The following DGLUCY variants were observed in gnomAD, a reference collection of about 807,000 sequenced individuals.
The protein encoded by DGLUCY is D-glutamate cyclase, also known as D-glutamate cyclase, mitochondrial.
DGLUCY carries 58 observed loss-of-function variants against 58.5 expected under a neutral mutation model. The observed-to-expected ratio is 0.99, with a 90% CI of 0.80 to 1.23. DGLUCY has a LOEUF of 1.23. Among genes scored for constraint, DGLUCY ranks in the 50% most tolerant of loss-of-function variants. DGLUCY has a pLI of 0.00. For synonymous variants in DGLUCY, 325 were observed against 314.1 expected (o/e 1.03, Z -0.37); for missense variants, 779 against 784.7 (o/e 0.99, Z 0.09).
At position 91,175,886 on chromosome 14, in the gene DGLUCY, T is replaced by C. The variant is rs765800862; in HGVS notation, c.608-48T>C. On this transcript the variant is annotated intron_variant, in intron 6 of 13. Coordinates refer to ENST00000256324, the MANE Select transcript of DGLUCY (RefSeq NM_001102368.3). ...CCATAAACTACTCAACCAGTTCTAA[T>C]TGGATGCTCCCTGCTGAGGAAATTA... is the stretch of plus-strand genomic sequence containing the variant. The C allele has an allele frequency of 2.2e-5, 35 of 1,607,428 alleles. No individual in the cohort carries two copies. The South Asian group carries it at 2.9e-4, about 13-fold the overall frequency.
chr14:91,111,250 A>C (rs12323373), upstream of DGLUCY, among the ~76,000 whole-genome samples: 1 of 42,112 alleles, frequency 2.4e-5, no homozygotes. Context: ...GTGTGTGTGT[A>C]TATATCTATA....
At position 91,074,739 on chromosome 14, in the gene DGLUCY, C is replaced by T. The variant is rs1003902745; in HGVS notation, c.-82+14035C>T. Among the ~76,000 whole-genome samples, 3 of 152,116 alleles carry T rather than the reference C, an allele frequency of 2.0e-5. No homozygotes were observed. The East Asian group carries it at 5.8e-4, about 29-fold the overall frequency. ...GGCAAAAACCATATTGCAGTATTCTCTAATATTATTTTCTCTGAAGAGGCA... is the reference window on the plus strand; with the variant it reads ...GGCAAAAACCATATTGCAGTATTCTTTAATATTATTTTCTCTGAAGAGGCA... On this transcript the variant is annotated intron_variant, in intron 1 of 4. Transcript: ENST00000521334.
Position 91,215,460 on chromosome 14 carries a change from A to T in DGLUCY, c.1620A>T (p.Ser540=), listed in dbSNP as rs113735532. The change falls in exon 13 of 14, where the codon TCA becomes TCT. Residue 540 remains serine, a synonymous_variant. Transcript: ENST00000256324. ...CCTGCGCACTCTACATCCTGTACTC[A>T]TGTGCTGTCCACAGTCAGTACCTGA... is the stretch of plus-strand genomic sequence containing the variant. ...ALACALYILY[S]CAVHSQYLRK... 6.2e-7 allele frequency: 1 copy of T among 1,614,182 alleles called. No individual in the cohort carries two copies. The highest frequency in any genetic ancestry group is 1.1e-5 in the South Asian group (1 of 91,086).
chr14:91,207,638 G>A (rs1310691337), intron 12 of DGLUCY, among the ~76,000 whole-genome samples: 1 of 152,226 alleles, frequency 6.6e-6, no homozygotes, highest in African/African-American at 2.4e-5. Flanking sequence ...CCAGAGGCAG[G>A]TGGGGAAAAC....
intron 12 of DGLUCY, among the ~76,000 whole-genome samples, chr14:91,209,333 G>A (rs541195416): frequency 3.9e-5 from 6 of 152,150 alleles, no homozygotes; most frequent in Admixed American, 3.9e-4. Flanking sequence ...AGGCAATAAA[G>A]AAAACAGCAG....
chr14:91,218,694 C>T (rs977663036), intron 13 of DGLUCY, among the ~76,000 whole-genome samples: 4 of 151,940 alleles, frequency 2.6e-5, no homozygotes, highest in Non-Finnish European at 4.4e-5. Flanking sequence ...TGAGCCACCA[C>T]ACCTGGCCTA....
upstream of DGLUCY, among the ~76,000 whole-genome samples, chr14:91,105,810 A>G (rs2044578096): frequency 6.6e-6 from 1 of 152,230 alleles, no homozygotes; most frequent in Non-Finnish European, 1.5e-5. Context: ...TGTAAACGTC[A>G]TAGACTGTGC....
At chr14:91,152,166 C>T (rs550172118) in intron 1 of DGLUCY, among the ~76,000 whole-genome samples, 3 of 152,284 alleles carry the variant, frequency 2.0e-5, no homozygotes, top group African/African-American at 7.2e-5. Flanking sequence ...GCAGGAGGAT[C>T]GCTTGAGCCC....
chr14:91,097,483 A>T (rs1214961379), intron 1 of DGLUCY, among the ~76,000 whole-genome samples: 1 of 152,190 alleles, frequency 6.6e-6, no homozygotes, highest in Admixed American at 6.5e-5. Context: ...AAAATTATTG[A>T]GTTATACACT....
At chr14:91,136,618 C>T (rs564874442) in intron 1 of DGLUCY, among the ~76,000 whole-genome samples, 7 of 149,648 alleles carry the variant, frequency 4.7e-5, no homozygotes, top group African/African-American at 1.2e-4. Context: ...TGGGAGGAAG[C>T]GGTTGCAGTG....
chr14:91,103,565 G>C (rs1229342494), upstream of DGLUCY, among the ~76,000 whole-genome samples: 1 of 152,080 alleles, frequency 6.6e-6, no homozygotes, highest in African/African-American at 2.4e-5. Flanking sequence ...TCTTATACCA[G>C]AGCAAATGTC....
intron 9 of DGLUCY, among the ~76,000 whole-genome samples, chr14:91,191,110 C>T (rs2049858224): frequency 6.6e-6 from 1 of 152,212 alleles, no homozygotes; most frequent in Non-Finnish European, 1.5e-5. Flanking sequence ...GGCTTCAGGG[C>T]ACCCTCAACC....
chr14:91,221,796 G>A (rs527812402), intron 13 of DGLUCY, among the ~76,000 whole-genome samples: 10 of 152,178 alleles, frequency 6.6e-5, no homozygotes, highest in African/African-American at 1.9e-4. Flanking sequence ...TACACCTTAA[G>A]TGTACAGTTG....
chr14:91,060,497 C>G, exon 1 of DGLUCY: 1 of 1,283,704 alleles, frequency 7.8e-7, no homozygotes, highest in Non-Finnish European at 9.9e-7. Context: ...AGCGGACGCC[C>G]GTCCCCTCGC....
chr14:91,189,277 C>T, intron 9 of DGLUCY, 107 bp downstream of exon 9: 1 of 1,416,452 alleles, frequency 7.1e-7, no homozygotes, highest in Non-Finnish European at 9.7e-7. Context: ...CAGCTCAGAA[C>T]AACTCCGTTG....
chr14:91,109,057 A>G (rs1176037456), intron 1 of DGLUCY, among the ~76,000 whole-genome samples: 1 of 152,162 alleles, frequency 6.6e-6, no homozygotes, highest in Non-Finnish European at 1.5e-5. Context: ...AACCACCCCC[A>G]GAATTCATCA....
chr14:91,084,408 T>C (rs2044177630), intron 1 of DGLUCY, among the ~76,000 whole-genome samples: 1 of 152,046 alleles, frequency 6.6e-6, no homozygotes, highest in Admixed American at 6.6e-5. Flanking sequence ...TTTCACCATG[T>C]TGGTCAAGCT....
chr14:91,179,442 T>C (rs2049034193), intron 7 of DGLUCY, among the ~76,000 whole-genome samples: 1 of 150,796 alleles, frequency 6.6e-6, no homozygotes, highest in African/African-American at 2.4e-5. Context: ...GAGCAAGGCC[T>C]TATCTCTTTA....
intron 4 of DGLUCY, among the ~76,000 whole-genome samples, chr14:91,168,893 C>T (rs2048420351): frequency 2.6e-5 from 4 of 152,142 alleles, no homozygotes; most frequent in African/African-American, 9.7e-5. Context: ...TCGAGACCAG[C>T]CTGGCCAACG....
Sources: allele counts gnomAD v4.1 joint callset (sites outside exome capture counted in the v4.1 genomes callset), GRCh38; gene constraint gnomAD v4.1.1; transcripts MANE v1.5; gene names NCBI Gene and HGNC (gene_info 2026-07-23, HGNC 2026-07-21).